CA10: variants seen among roughly 807,000 people sequenced by gnomAD.
CA10 encodes the protein carbonic anhydrase-related protein 10.
CA10 carries 14 observed loss-of-function variants against 44.2 expected under a neutral mutation model. The observed-to-expected ratio is 0.32, with a 90% CI of 0.21 to 0.50. The LOEUF (loss-of-function observed/expected upper bound fraction) is 0.50. Ranked by LOEUF, CA10 falls within the 20% of genes least tolerant of loss-of-function variation. The pLI is 0.99. For synonymous variants in CA10, 159 were observed against 141.6 expected, an observed-to-expected ratio of 1.12 and a Z score of -0.87; for missense variants, 350 against 409.7, an observed-to-expected ratio of 0.85 and a Z score of 1.26.
intron 4 of CA10, among the ~76,000 whole-genome samples, chr17:51,738,776 G>C (rs1008130100): frequency 2.6e-5 from 4 of 152,250 alleles, no homozygotes; most frequent in Middle Eastern, 6.8e-3. Context: ...GGCTCTATTT[G>C]CTCTATGAGG....
At chr17:51,652,182 G>A (rs549895794) in intron 5 of CA10, among the ~76,000 whole-genome samples, 8 of 152,186 alleles carry the variant, frequency 5.3e-5, no homozygotes, top group Non-Finnish European at 8.8e-5. Flanking sequence ...TGTTATAAGC[G>A]ACATGAACTT....
intron 4 of CA10, among the ~76,000 whole-genome samples, chr17:51,745,928 G>C (rs1019720962): frequency 4.6e-5 from 7 of 152,146 alleles, no homozygotes; most frequent in African/African-American, 1.4e-4. Flanking sequence ...ATCTAATTTT[G>C]AATATTCTCT....
intron 3 of CA10, among the ~76,000 whole-genome samples, chr17:51,826,327 C>T (rs1006364901): frequency 2.0e-5 from 3 of 152,176 alleles, no homozygotes; most frequent in Admixed American, 6.5e-5. Flanking sequence ...AGGTTGGTTC[C>T]GGGAAATTCT....
intron 2 of CA10, among the ~76,000 whole-genome samples, chr17:51,963,288 A>ATCCC (rs1402779878): frequency 6.6e-6 from 1 of 152,212 alleles, no homozygotes; most frequent in Non-Finnish European, 1.5e-5. Flanking sequence ...AAACCAACAA[A>ATCCC]TTATTGGCAT....
chr17:51,851,874 T>C (rs1336980805), intron 3 of CA10, among the ~76,000 whole-genome samples: 1 of 152,258 alleles, frequency 6.6e-6, no homozygotes, highest in Non-Finnish European at 1.5e-5. Flanking sequence ...AAGGTTTAGA[T>C]TTCACTGAAC....
chr17:51,749,464 G>A (rs9891580), intron 3 of CA10, among the ~76,000 whole-genome samples: 5,430 of 152,288 alleles, frequency 0.036, 363 homozygotes, highest in African/African-American at 0.12. Context: ...AGGAGAGGCC[G>A]TCTAGACGGG....
chr17:51,811,763 T>C (rs1401299628), intron 3 of CA10, among the ~76,000 whole-genome samples: 3 of 152,222 alleles, frequency 2.0e-5, no homozygotes. Context: ...CATGTGTCTT[T>C]ATAGTAGCAT....
chr17:52,157,647 C>T (rs2143431536), intron 1 of CA10, 79 bp downstream of exon 1: 2 of 1,307,286 alleles, frequency 1.5e-6, no homozygotes, highest in South Asian at 2.4e-5. Context: ...TGCCCCGCGG[C>T]TATATACAAT....
intron 2 of CA10, among the ~76,000 whole-genome samples, chr17:52,050,752 G>C (rs1321407152): frequency 2.0e-5 from 3 of 151,844 alleles, no homozygotes; most frequent in Non-Finnish European, 4.4e-5. Flanking sequence ...TAACCTTCAG[G>C]GCTCCCTTCA....
At chr17:51,810,588 G>C (rs573820811) in intron 3 of CA10, among the ~76,000 whole-genome samples, 2 of 152,278 alleles carry the variant, frequency 1.3e-5, no homozygotes, top group East Asian at 3.9e-4. Context: ...CTTGCCTAAA[G>C]ATGCAGCTCA....
intron 3 of CA10, among the ~76,000 whole-genome samples, chr17:51,838,316 C>T (rs776591336): frequency 6.6e-6 from 1 of 152,160 alleles, no homozygotes; most frequent in Non-Finnish European, 1.5e-5. Flanking sequence ...GTATATCTAT[C>T]CTTGATATCT....
intron 1 of CA10, among the ~76,000 whole-genome samples, chr17:52,101,098 G>C (rs978511726): frequency 6.6e-6 from 1 of 152,160 alleles, no homozygotes; most frequent in East Asian, 1.9e-4. Context: ...AATAATGTAA[G>C]CTGATGCCAC....
intron 1 of CA10, among the ~76,000 whole-genome samples, chr17:52,125,567 T>A (rs997117831): frequency 1.3e-4 from 20 of 152,170 alleles, no homozygotes; most frequent in Admixed American, 1.3e-3. Flanking sequence ...ACCCTATATG[T>A]AAATCTTAAC....
At chr17:52,032,133 C>G (rs1404438255) in intron 2 of CA10, among the ~76,000 whole-genome samples, 1 of 152,100 alleles carries the variant, frequency 6.6e-6, no homozygotes, top group East Asian at 1.9e-4. Flanking sequence ...TCACTACAGC[C>G]CAGTGAATGC....
intron 3 of CA10, among the ~76,000 whole-genome samples, chr17:51,859,207 A>G (rs1481557493): frequency 6.6e-6 from 1 of 152,142 alleles, no homozygotes; most frequent in Non-Finnish European, 1.5e-5. Flanking sequence ...TTTCATGACC[A>G]AATCCATACA....
chr17:51,898,185 C>T (rs73348438), intron 3 of CA10, among the ~76,000 whole-genome samples: 18,684 of 151,960 alleles, frequency 0.12, 1,728 homozygotes, highest in African/African-American at 0.26. Flanking sequence ...ATTTTCAGTA[C>T]GATGTTGGCT....
At chr17:52,134,065 T>C (rs1400600024) in intron 1 of CA10, among the ~76,000 whole-genome samples, 2 of 152,214 alleles carry the variant, frequency 1.3e-5, no homozygotes, top group East Asian at 3.9e-4. Context: ...TAAAGCAGAA[T>C]GTTTCAAAGA....
chr17:51,974,519 CA>C (rs1014694854), intron 2 of CA10, among the ~76,000 whole-genome samples: 276 of 143,746 alleles, frequency 1.9e-3, no homozygotes, highest in African/African-American at 6.4e-3. Flanking sequence ...AAAACTGTAA[CA>C]AAAAAAAAGA....
intron 4 of CA10, among the ~76,000 whole-genome samples, chr17:51,739,967 T>C (rs1431389453): frequency 6.6e-6 from 1 of 152,058 alleles, no homozygotes; most frequent in African/African-American, 2.4e-5. Flanking sequence ...AGGTTCTCAA[T>C]TGTTCCATTA....
Sources: allele counts gnomAD v4.1 joint callset (sites outside exome capture counted in the v4.1 genomes callset), GRCh38; gene constraint gnomAD v4.1.1; transcripts MANE v1.5; gene names NCBI Gene and HGNC (gene_info 2026-07-23, HGNC 2026-07-21).